IL1RAPL2: variants seen among roughly 807,000 people sequenced by gnomAD.
The protein encoded by IL1RAPL2 is X-linked interleukin-1 receptor accessory protein-like 2.
A neutral mutation model predicts 44.1 loss-of-function variants in IL1RAPL2; 3 were observed. The observed-to-expected ratio is 0.07, with a 90% CI of 0.03 to 0.18. IL1RAPL2 has a LOEUF of 0.18. Among genes scored for constraint, IL1RAPL2 ranks in the 10% least tolerant of loss-of-function variants. IL1RAPL2 has a pLI of 1.00. For synonymous variants in IL1RAPL2, 181 were observed against 178.8 expected (o/e 1.01, Z -0.10); for missense variants, 391 against 496.4 (o/e 0.79, Z 2.02).
chrX:104,608,830 G>A, intron 1 of IL1RAPL2, among the ~76,000 whole-genome samples: 1 of 110,290 alleles, frequency 9.1e-6, no homozygotes, highest in Non-Finnish European at 1.9e-5. Context: ...CTTTCAATTG[G>A]GGCATTTAGC....
chrX:105,039,896 G>A lies in IL1RAPL2; in HGVS notation c.83-155579G>A, dbSNP rs766719577. Among the ~76,000 whole-genome samples the A allele has an allele frequency of 1.2e-4, 13 of 110,600 alleles. No individual in the cohort carries two copies. The South Asian group carries it at 5.0e-3, about 43-fold the overall frequency. ...TTTCCTTCTCCTGCCTAATTGCCCT[G>A]GCCAGAACTTCCAACACTATGTTGA... On this transcript the variant is annotated intron_variant, in intron 2 of 10. Transcript: ENST00000372582.
intron 2 of IL1RAPL2, among the ~76,000 whole-genome samples, chrX:104,683,660 G>A (rs1930928734): frequency 8.9e-6 from 1 of 112,801 alleles, no homozygotes; most frequent in Admixed American, 9.4e-5. Flanking sequence ...CAATATTATG[G>A]CTTTTTGTGT....
intron 1 of IL1RAPL2, among the ~76,000 whole-genome samples, chrX:104,611,756 G>A (rs946212629): frequency 9.7e-6 from 1 of 103,045 alleles, no homozygotes; most frequent in Non-Finnish European, 2.0e-5. Flanking sequence ...AGAATGGCGT[G>A]AACCCAGGAG....
intron 2 of IL1RAPL2, among the ~76,000 whole-genome samples, chrX:104,896,313 A>G (rs758933774): frequency 3.0e-4 from 34 of 111,879 alleles, no homozygotes; most frequent in African/African-American, 1.1e-3. Context: ...AGCTCAACTA[A>G]CAACTTCTGC....
intron 10 of IL1RAPL2, among the ~76,000 whole-genome samples, chrX:105,761,375 T>C (rs2038687125): frequency 9.1e-6 from 1 of 110,075 alleles, no homozygotes; most frequent in Admixed American, 9.8e-5. Context: ...TCAGCCAAGA[T>C]AGAGTCAATG....
intron 2 of IL1RAPL2, among the ~76,000 whole-genome samples, chrX:104,677,740 G>A (rs1020490811): frequency 2.0e-4 from 22 of 112,035 alleles, no homozygotes; most frequent in East Asian, 2.9e-4. Context: ...TGTGCCAGCA[G>A]TCAGCGAGAC....
At chrX:105,376,754 G>T (rs926658859) in intron 5 of IL1RAPL2, among the ~76,000 whole-genome samples, 2 of 111,317 alleles carry the variant, frequency 1.8e-5, no homozygotes, top group East Asian at 5.6e-4. Context: ...ATTTTGAAGT[G>T]GTCTAATTGT....
At chrX:105,256,516 A>G (rs1201360838) in intron 4 of IL1RAPL2, among the ~76,000 whole-genome samples, 1 of 109,663 alleles carries the variant, frequency 9.1e-6, no homozygotes, top group Non-Finnish European at 1.9e-5. Context: ...TTTAGTAGAG[A>G]TGGGGCTTCA....
intron 5 of IL1RAPL2, among the ~76,000 whole-genome samples, chrX:105,429,365 C>A (rs1435737594): frequency 8.9e-6 from 1 of 111,992 alleles, no homozygotes; most frequent in Non-Finnish European, 1.9e-5. Flanking sequence ...ATACTGCAGG[C>A]ATCCTTTATT....
intron 7 of IL1RAPL2, among the ~76,000 whole-genome samples, chrX:105,730,347 G>A (rs2147565700): frequency 9.0e-6 from 1 of 111,060 alleles, no homozygotes; most frequent in South Asian, 3.7e-4. Flanking sequence ...CCTAACACAG[G>A]AGCACCCAGA....
At chrX:105,068,482 TAA>T (rs780399533) in intron 2 of IL1RAPL2, among the ~76,000 whole-genome samples, 1 of 112,042 alleles carries the variant, frequency 8.9e-6, no homozygotes, top group African/African-American at 3.2e-5. Context: ...TCTACCAGTA[TAA>T]AAAGTCTATA....
At chrX:105,475,126 A>G (rs1380401633) in intron 5 of IL1RAPL2, among the ~76,000 whole-genome samples, 1 of 112,063 alleles carries the variant, frequency 8.9e-6, no homozygotes, top group Non-Finnish European at 1.9e-5. Flanking sequence ...AGGGCTTGGC[A>G]TGAAATCCCT....
chrX:105,077,219 G>C (rs1393818987), intron 2 of IL1RAPL2, among the ~76,000 whole-genome samples: 3 of 111,679 alleles, frequency 2.7e-5, no homozygotes, highest in Non-Finnish European at 5.6e-5. Flanking sequence ...TCCTTCAGGA[G>C]CTCTTTTAGG....
intron 5 of IL1RAPL2, among the ~76,000 whole-genome samples, chrX:105,388,633 T>C (rs1008595611): frequency 8.1e-5 from 9 of 110,960 alleles, no homozygotes; most frequent in South Asian, 3.7e-4. Context: ...GTCTAGTTTA[T>C]GCTTAAAAAT....
chrX:104,891,499 G>T (rs1429586227), intron 2 of IL1RAPL2, among the ~76,000 whole-genome samples: 1 of 111,664 alleles, frequency 9.0e-6, no homozygotes, highest in Admixed American at 9.5e-5. Flanking sequence ...TCTCCTTGAA[G>T]AGGTCCTTCA....
At chrX:105,363,550 A>T (rs982321354) in intron 5 of IL1RAPL2, among the ~76,000 whole-genome samples, 1 of 107,827 alleles carries the variant, frequency 9.3e-6, no homozygotes, top group African/African-American at 3.3e-5. Flanking sequence ...GTAATAATTT[A>T]CATTCCCACC....
chrX:104,763,408 C>A (rs991713137), intron 2 of IL1RAPL2, among the ~76,000 whole-genome samples: 1 of 112,177 alleles, frequency 8.9e-6, no homozygotes, highest in Non-Finnish European at 1.9e-5. Context: ...GAAGTTCAAA[C>A]TTTCCCACAT....
chrX:105,332,045 C>T (rs1057490184), intron 5 of IL1RAPL2, among the ~76,000 whole-genome samples: 2 of 109,362 alleles, frequency 1.8e-5, no homozygotes, highest in Non-Finnish European at 3.8e-5. Context: ...AGGATCAATG[C>T]GTATTCACAG....
intron 2 of IL1RAPL2, among the ~76,000 whole-genome samples, chrX:105,050,467 A>C (rs2031904595): frequency 8.9e-6 from 1 of 112,348 alleles, no homozygotes; most frequent in Non-Finnish European, 1.9e-5. Flanking sequence ...GTCTCAAAGT[A>C]GCCTAAATTC....
Sources: allele counts gnomAD v4.1 joint callset (sites outside exome capture counted in the v4.1 genomes callset), GRCh38; gene constraint gnomAD v4.1.1; transcripts MANE v1.5; gene names NCBI Gene and HGNC (gene_info 2026-07-23, HGNC 2026-07-21).